FAM178B: variants seen among roughly 807,000 people sequenced by gnomAD.
FAM178B encodes the protein family with sequence similarity 178 member B, also known as protein FAM178B.
Under a neutral mutation model 91.7 loss-of-function variants are expected in FAM178B, and 82 were observed. That is an observed-to-expected ratio of 0.89 (90% confidence interval 0.75 to 1.07). FAM178B has a LOEUF of 1.07. FAM178B is among the 50% of genes least tolerant of loss of function. The pLI, the probability that FAM178B is intolerant of heterozygous loss-of-function variation, is 0.00. For synonymous variants in FAM178B, 368 were observed against 359.4 expected, an observed-to-expected ratio of 1.02 and a Z score of -0.27; for missense variants, 769 against 846.7, an observed-to-expected ratio of 0.91 and a Z score of 1.14.
chr2:96,906,112 C>A (rs557458249), intron 12 of FAM178B, among the ~76,000 whole-genome samples: 1 of 150,164 alleles, frequency 6.7e-6, no homozygotes, highest in Non-Finnish European at 1.5e-5. Flanking sequence ...CTCAGGTGAT[C>A]CGCCTGAGTG....
intron 6 of FAM178B, among the ~76,000 whole-genome samples, chr2:96,959,406 T>G (rs1344355524): frequency 6.6e-6 from 1 of 152,156 alleles, no homozygotes; most frequent in East Asian, 1.9e-4. Flanking sequence ...CATATCAGAA[T>G]GTTAACAGTA....
At position 96,929,192 on chromosome 2, in the gene FAM178B, G is replaced by A; in HGVS notation, c.1193+14C>T. The A allele has an allele frequency of 6.6e-7, 1 of 1,504,466 alleles. No individual in the cohort carries two copies. Among genetic ancestry groups the A allele is most frequent in the East Asian group, 2.5e-5 (1 of 40,670 alleles). The allele number at this position is 1,504,466 out of a possible 1,614,324, so 93.2% of individuals were successfully genotyped here. ...TATGAAAGAAAAAGGCAGTGAGGAAGCAGAAGTACTCACCTGCCACCGTGC... is the reference window on the plus strand; with the variant it reads ...TATGAAAGAAAAAGGCAGTGAGGAAACAGAAGTACTCACCTGCCACCGTGC... On this transcript the variant is annotated intron_variant, in intron 9 of 16. Transcript: ENST00000490605.
At chr2:96,937,185 C>G (rs1277112531) in intron 8 of FAM178B, among the ~76,000 whole-genome samples, 3 of 152,206 alleles carry the variant, frequency 2.0e-5, no homozygotes, top group African/African-American at 4.8e-5. Flanking sequence ...TGTGAACCAC[C>G]ACACCTGGCC....
intron 13 of FAM178B, chr2:96,894,961 A>G: frequency 1.1e-6 from 1 of 939,212 alleles, no homozygotes; most frequent in Non-Finnish European, 1.4e-6. Context: ...CTGTGGGCCC[A>G]CCCTCCCTTG....
intron 7 of FAM178B, among the ~76,000 whole-genome samples, chr2:96,950,868 C>T (rs2153373411): frequency 6.6e-6 from 1 of 152,306 alleles, no homozygotes; most frequent in Middle Eastern, 3.4e-3. Context: ...CCCAAGCACC[C>T]TCGGCTCCAA....
intron 13 of FAM178B, chr2:96,898,246 G>GA: frequency 2.3e-6 from 1 of 437,268 alleles, no homozygotes; most frequent in Non-Finnish European, 3.0e-6. Context: ...AAAGCCCAAG[G>GA]ACCCAGCAGG....
At chr2:96,884,944 C>A (rs750716095) in intron 14 of FAM178B, among the ~76,000 whole-genome samples, 8 of 152,362 alleles carry the variant, frequency 5.3e-5, no homozygotes, top group African/African-American at 1.9e-4. Context: ...GGAAATGAGG[C>A]GGGTGACCTA....
intron 5 of FAM178B, among the ~76,000 whole-genome samples, chr2:96,967,003 G>A (rs987471379): frequency 2.0e-5 from 3 of 152,168 alleles, no homozygotes; most frequent in African/African-American, 7.2e-5. Context: ...AAGACGGATG[G>A]AAAACAGTGT....
Position 96,877,992 on chromosome 2 carries a change from CTGCG to C in FAM178B, c.1901_1904del (p.Thr634ArgfsTer29). 1 of 1,613,258 alleles carries C rather than the reference CTGCG, an allele frequency of 6.2e-7. No individual in the cohort carries two copies. The highest frequency in any genetic ancestry group is 8.5e-7 in the Non-Finnish European group (1 of 1,180,026). ...GCATGGCCTGGGGGCTCTCCCGGAT[CTGCG>C]TGCTGATGTGGCGGTCCAACTGCAT... On this transcript the variant is annotated frameshift_variant, in exon 16 of 17. Transcript: ENST00000490605. LOFTEE classifies it high-confidence loss of function.
chr2:96,962,865 C>T (rs1435581623), intron 5 of FAM178B, among the ~76,000 whole-genome samples: 2 of 152,164 alleles, frequency 1.3e-5, no homozygotes, highest in Non-Finnish European at 2.9e-5. Flanking sequence ...GGTCAGCCCC[C>T]ACCCTAAGCA....
chr2:96,919,932 C>T (rs766956263), intron 12 of FAM178B, among the ~76,000 whole-genome samples: 2 of 152,192 alleles, frequency 1.3e-5, no homozygotes, highest in African/African-American at 4.8e-5. Flanking sequence ...GAGCCTCTAC[C>T]AGGCTGGGCC....
intron 1 of FAM178B, among the ~76,000 whole-genome samples, chr2:96,983,901 ACTT>A (rs1248441241): frequency 2.0e-5 from 3 of 152,150 alleles, no homozygotes; most frequent in African/African-American, 4.8e-5. Context: ...AATAACTACT[ACTT>A]ATTTATCCAT....
chr2:96,942,621 T>G (rs1432479851), intron 8 of FAM178B, among the ~76,000 whole-genome samples: 10 of 152,102 alleles, frequency 6.6e-5, no homozygotes, highest in Non-Finnish European at 1.3e-4. Flanking sequence ...GGTCTTGATC[T>G]CCCGACCTCA....
At chr2:96,897,179 A>G (rs948093523) in intron 13 of FAM178B, among the ~76,000 whole-genome samples, 1 of 151,852 alleles carries the variant, frequency 6.6e-6, no homozygotes, top group African/African-American at 2.4e-5. Flanking sequence ...TTTGCAATTT[A>G]CTTGCTTTTT....
intron 8 of FAM178B, among the ~76,000 whole-genome samples, chr2:96,932,376 A>C (rs1249775631): frequency 2.6e-5 from 4 of 152,242 alleles, no homozygotes; most frequent in African/African-American, 7.2e-5. Flanking sequence ...GGGACAGTTA[A>C]GTCCCTATCA....
chr2:96,970,316 G>A (rs558335233), intron 4 of FAM178B, among the ~76,000 whole-genome samples: 2 of 152,218 alleles, frequency 1.3e-5, no homozygotes, highest in Non-Finnish European at 2.9e-5. Flanking sequence ...GAAAGCAGCG[G>A]CAGAAATGTT....
At chr2:96,921,738 T>G (rs750730761) in intron 10 of FAM178B, 84 bp from the exon 11 acceptor site, 2 of 1,362,322 alleles carry the variant, frequency 1.5e-6, no homozygotes, top group Non-Finnish European at 2.0e-6. Context: ...GGGAGACACT[T>G]AGGCAGAAGG....
At chr2:96,929,689 C>G (rs1032404341) in intron 8 of FAM178B, among the ~76,000 whole-genome samples, 2 of 152,192 alleles carry the variant, frequency 1.3e-5, no homozygotes, top group Admixed American at 6.5e-5. Flanking sequence ...TCACTGGACA[C>G]CAGGCTCACG....
At position 96,950,927 on chromosome 2, in the gene FAM178B, A is replaced by C. The variant is rs959285300; in HGVS notation, c.993+452T>G. 7.2e-5 allele frequency among the ~76,000 whole-genome samples: 11 copies of C among 152,172 alleles called. No individual in the cohort carries two copies. In the East Asian group the frequency reaches 1.7e-3, roughly 24 times the overall value. ...CACTGCAGGATTGCCGTGGGCCCTG[A>C]ACGGCCCTCCCGCTGCGTATGGGAT... On this transcript the variant is annotated intron_variant, in intron 7 of 16. Coordinates refer to ENST00000490605, the MANE Select transcript of FAM178B (RefSeq NM_001122646.3).
Sources: allele counts gnomAD v4.1 joint callset (sites outside exome capture counted in the v4.1 genomes callset), GRCh38; gene constraint gnomAD v4.1.1; transcripts MANE v1.5; gene names NCBI Gene and HGNC (gene_info 2026-07-23, HGNC 2026-07-21).